GLIS3: variants seen among roughly 807,000 people sequenced by gnomAD.
GLIS3 encodes the protein zinc finger protein GLIS3.
GLIS3 carries 53 observed loss-of-function variants against 78.6 expected under a neutral mutation model. The ratio of observed to expected loss-of-function variants is 0.67; its 90% CI spans 0.54 to 0.85. The LOEUF is 0.85. Ranked by LOEUF, GLIS3 falls within the 40% of genes least tolerant of loss-of-function variation. The pLI is 0.00. For synonymous variants in GLIS3, 684 were observed against 509.9 expected, an observed-to-expected ratio of 1.34 and a Z score of -4.60; for missense variants, 1,703 against 1,231.1, an observed-to-expected ratio of 1.38 and a Z score of -5.74.
At chr9:4,229,872 A>G (rs577608058) in intron 2 of GLIS3, among the ~76,000 whole-genome samples, 16 of 152,382 alleles carry the variant, frequency 1.0e-4, no homozygotes, top group African/African-American at 3.6e-4. Context: ...ATTTCTTAAT[A>G]TTATTCTCCC....
the GLIS3 span, among the ~76,000 whole-genome samples, chr9:4,395,145 C>T: frequency 6.6e-6 from 1 of 152,244 alleles, no homozygotes; most frequent in Non-Finnish European, 1.5e-5. Context: ...TTATGCAGAC[C>T]ATGTTCATAC....
At chr9:3,972,560 T>C (rs984475152) in intron 4 of GLIS3, among the ~76,000 whole-genome samples, 12 of 152,274 alleles carry the variant, frequency 7.9e-5, no homozygotes, top group Non-Finnish European at 1.5e-4. Flanking sequence ...AAAAGGGTTT[T>C]TTTTGTTTGT....
At chr9:4,030,806 C>G (rs16920428) in intron 4 of GLIS3, among the ~76,000 whole-genome samples, 6 of 152,094 alleles carry the variant, frequency 3.9e-5, no homozygotes, top group Non-Finnish European at 8.8e-5. Flanking sequence ...GCCAGAAATG[C>G]TGACTTATCT....
chr9:4,161,627 C>T (rs528822067), intron 2 of GLIS3, among the ~76,000 whole-genome samples: 2 of 148,776 alleles, frequency 1.3e-5, no homozygotes, highest in African/African-American at 2.5e-5. Context: ...AACTGAATGG[C>T]TTGAAACAAC....
chr9:4,266,431 C>CA (rs1447189899), intron 2 of GLIS3, among the ~76,000 whole-genome samples: 1 of 152,128 alleles, frequency 6.6e-6, no homozygotes, highest in East Asian at 1.9e-4. Context: ...GACAAAAGAA[C>CA]CATCACCACA....
rs529370823 is a variant in GLIS3 at position 4,346,161 on chromosome 9, A to G, written n.264+920T>C. On this transcript the variant is annotated intron_variant and non_coding_transcript_variant, in intron 2 of 4. Coordinates refer to the GLIS3 transcript ENST00000471664. ...CGATTATGTACTTGCCTGTAAAGGA[A>G]ACCTCAAGAAAATATGAAAACTAGA... 2.6e-5 allele frequency among the ~76,000 whole-genome samples: 4 copies of G among 152,364 alleles called. No individual in the cohort carries two copies. The East Asian group carries it at 7.7e-4, about 29-fold the overall frequency.
At chr9:4,274,967 C>T (rs1244939201) in intron 2 of GLIS3, among the ~76,000 whole-genome samples, 1 of 152,170 alleles carries the variant, frequency 6.6e-6, no homozygotes, top group Non-Finnish European at 1.5e-5. Context: ...CAATTACAAA[C>T]TTTTTACGTC....
At chr9:4,345,908 AT>A (rs1483829307) in intron 2 of GLIS3, among the ~76,000 whole-genome samples, 1 of 152,236 alleles carries the variant, frequency 6.6e-6, no homozygotes, top group Non-Finnish European at 1.5e-5. Flanking sequence ...GCAAAAGAAT[AT>A]TGCTTTGATA....
At chr9:4,358,612 A>G in the GLIS3 span, among the ~76,000 whole-genome samples, 4 of 152,126 alleles carry the variant, frequency 2.6e-5, no homozygotes, top group African/African-American at 9.7e-5. Flanking sequence ...CCATCTCCCT[A>G]TTTAGATGGG....
At chr9:4,010,256 C>G (rs545088531) in intron 4 of GLIS3, among the ~76,000 whole-genome samples, 1 of 152,322 alleles carries the variant, frequency 6.6e-6, no homozygotes, top group East Asian at 1.9e-4. Context: ...CTGCCACTTA[C>G]TAGACATATA....
chr9:4,286,174 T>A lies in GLIS3; in HGVS notation c.252A>T (p.Leu84Phe), dbSNP rs200986848. Reference sequence around the variant, plus strand: ...TGGTGAGCATTTGTCTCCTGGGGCTTAAGGCAGGCAGATGGATGCGGCTCT... The same window carrying A: ...TGGTGAGCATTTGTCTCCTGGGGCTAAAGGCAGGCAGATGGATGCGGCTCT... Reference protein sequence around the residue: ...VAESRIHLPALSPRRQMLTNG... With the variant: ...VAESRIHLPAFSPRRQMLTNG... Residue 84 changes from leucine to phenylalanine, a missense_variant, in exon 2 of 11, where the codon TTA (leucine) becomes TTT (phenylalanine). Coordinates refer to ENST00000381971, the MANE Select transcript of GLIS3 (RefSeq NM_001042413.2). 443 of 1,614,174 alleles carry A rather than the reference T, an allele frequency of 2.7e-4. No homozygotes were observed. The highest frequency in any genetic ancestry group is 3.3e-4 in the Non-Finnish European group (388 of 1,180,034).
intron 9 of GLIS3, among the ~76,000 whole-genome samples, chr9:3,850,648 A>T (rs1819369536): frequency 6.6e-6 from 1 of 152,192 alleles, no homozygotes; most frequent in African/African-American, 2.4e-5. Context: ...TTCCTAAAAT[A>T]CTGGGCTGAC....
chr9:4,332,325 C>T (rs1466944937), intron 2 of GLIS3, among the ~76,000 whole-genome samples: 1 of 152,174 alleles, frequency 6.6e-6, no homozygotes, highest in Non-Finnish European at 1.5e-5. Flanking sequence ...AACTGGCCCT[C>T]ATTACCCACT....
chr9:4,084,637 G>A (rs1828865580), intron 4 of GLIS3, among the ~76,000 whole-genome samples: 2 of 152,130 alleles, frequency 1.3e-5, no homozygotes, highest in Non-Finnish European at 2.9e-5. Flanking sequence ...TGGTAACAGA[G>A]TGTTCTTTGT....
intron 2 of GLIS3, among the ~76,000 whole-genome samples, chr9:4,322,500 T>G (rs1035060336): frequency 5.3e-5 from 8 of 152,226 alleles, no homozygotes; most frequent in Non-Finnish European, 1.2e-4. Flanking sequence ...ATGGTTCAAC[T>G]AGTTTACACT....
At chr9:4,045,339 GA>G (rs113304704) in intron 4 of GLIS3, among the ~76,000 whole-genome samples, 6,714 of 152,012 alleles carry the variant, frequency 0.044, 508 homozygotes, top group African/African-American at 0.15. Flanking sequence ...CTATAAAAAT[GA>G]AAAAATTTTT....
At chr9:4,452,961 A>G in the GLIS3 span, among the ~76,000 whole-genome samples, 1 of 152,218 alleles carries the variant, frequency 6.6e-6, no homozygotes, top group Non-Finnish European at 1.5e-5. Context: ...GTACCAAAAC[A>G]GAGAGATAGA....
the GLIS3 span, among the ~76,000 whole-genome samples, chr9:4,402,015 C>G: frequency 5.3e-5 from 8 of 152,112 alleles, no homozygotes; most frequent in African/African-American, 1.7e-4. Flanking sequence ...TGCTCCAATC[C>G]CTGGCTCCCA....
At chr9:4,160,977 T>C (rs1158337078) in intron 2 of GLIS3, among the ~76,000 whole-genome samples, 3 of 151,002 alleles carry the variant, frequency 2.0e-5, no homozygotes, top group African/African-American at 4.9e-5. Flanking sequence ...GGAGTGGTGG[T>C]TCATGCCTAT....
Sources: gnomAD v4.1 joint callset for allele counts (sites outside exome capture counted in the v4.1 genomes callset) on GRCh38, gnomAD v4.1.1 for gene constraint, MANE v1.5 for transcripts, NCBI Gene and HGNC (gene_info 2026-07-23, HGNC 2026-07-21) for gene names.